Variants in OTUD7B observed in about 807,000 individuals in gnomAD.
OTUD7B encodes OTU deubiquitinase 7B, also known as OTU domain-containing protein 7B.
In OTUD7B, 34 loss-of-function variants were observed where a neutral mutation model predicts 82.2. The observed-to-expected ratio is 0.41, with a 90% CI of 0.31 to 0.55. The LOEUF (loss-of-function observed/expected upper bound fraction) is 0.55, where lower values mean the gene tolerates loss of function less well. Ranked by LOEUF, OTUD7B falls within the 20% of genes least tolerant of loss-of-function variation. The pLI is 0.20. For missense variants in OTUD7B, 944 were observed against 1,062.1 expected, an observed-to-expected ratio of 0.89 and a Z score of 1.55; for synonymous variants, 398 against 402.7, an observed-to-expected ratio of 0.99 and a Z score of 0.14.
chr1:149,941,619 A>C lies in OTUD7B; in HGVS notation c.*2238T>G, dbSNP rs1361748605. On this transcript the variant is annotated 3_prime_UTR_variant, in exon 12 of 12. Transcript: ENST00000581312. Reference sequence around the variant, plus strand: ...TTAAAAAATCACAATTAATGTAAAAAGTCTATGATGGACAATGTATCAAAA... The same window carrying C: ...TTAAAAAATCACAATTAATGTAAAACGTCTATGATGGACAATGTATCAAAA... The C allele has an allele frequency of 6.6e-6, 1 of 152,238 alleles. No individual in the cohort carries two copies. Among genetic ancestry groups the C allele is most frequent in the African/African-American group, 2.4e-5 (1 of 41,462 alleles). The allele number at this position is 152,238 out of a possible 1,614,324, so 9.4% of individuals were successfully genotyped here.
the OTUD7B span, among the ~76,000 whole-genome samples, chr1:150,042,416 G>A: frequency 6.6e-6 from 1 of 151,456 alleles, no homozygotes; most frequent in Non-Finnish European, 1.5e-5. Flanking sequence ...CAGGTGATCC[G>A]CCCCCGCTCA....
chr1:149,993,895 T>C (rs1651758980), intron 1 of OTUD7B, among the ~76,000 whole-genome samples: 1 of 152,212 alleles, frequency 6.6e-6, no homozygotes, highest in Non-Finnish European at 1.5e-5. Context: ...GTAAATCCTG[T>C]TTAAACTTTC....
chr1:150,055,430 A>C, the OTUD7B span, among the ~76,000 whole-genome samples: 1 of 152,162 alleles, frequency 6.6e-6, no homozygotes, highest in Admixed American at 6.5e-5. Context: ...AAAAGGGAAC[A>C]CTTCTGCACT....
chr1:149,986,359 C>T (rs974391061), intron 1 of OTUD7B, among the ~76,000 whole-genome samples: 2 of 151,880 alleles, frequency 1.3e-5, no homozygotes, highest in Non-Finnish European at 2.9e-5. Context: ...GATTGTTATA[C>T]GACTTTATTT....
intron 6 of OTUD7B, chr1:149,962,156 GAC>G (rs1649202915): frequency 6.6e-6 from 1 of 152,152 alleles, no homozygotes; most frequent in African/African-American, 2.4e-5. Context: ...CACTCCAATA[GAC>G]ACATCCAGAT....
intron 7 of OTUD7B, among the ~76,000 whole-genome samples, chr1:149,958,561 A>T (rs868969024): frequency 6.6e-6 from 1 of 151,652 alleles, no homozygotes; most frequent in Non-Finnish European, 1.5e-5. Context: ...ATTCCCGCCC[A>T]CCTCGGCCTC....
chr1:150,027,593 T>C, the OTUD7B span, among the ~76,000 whole-genome samples: 1 of 151,916 alleles, frequency 6.6e-6, no homozygotes, highest in Non-Finnish European at 1.5e-5. Context: ...TCTCAAAAAA[T>C]AAATAAATAA....
At chr1:149,959,888 C>T (rs1276179338) in intron 6 of OTUD7B, 92 bp from the exon 7 acceptor site, 3 of 788,666 alleles carry the variant, frequency 3.8e-6, no homozygotes, top group East Asian at 2.4e-5. Context: ...TTACTTACTC[C>T]CTAATCCCTT....
chr1:150,043,310 G>A, the OTUD7B span, among the ~76,000 whole-genome samples: 6 of 152,190 alleles, frequency 3.9e-5, no homozygotes, highest in South Asian at 4.1e-4. Context: ...GTTAGGACCC[G>A]TGTCATATAA....
intron 6 of OTUD7B, 40 bp downstream of exon 6, chr1:149,964,182 A>G (rs782000053): frequency 6.2e-7 from 1 of 1,603,646 alleles, no homozygotes; most frequent in African/African-American, 1.3e-5. Context: ...GCAGCTTGGT[A>G]ACTTTAGGAA....
chr1:149,960,422 T>G (rs1649074829), intron 6 of OTUD7B, among the ~76,000 whole-genome samples: 1 of 86,320 alleles, frequency 1.2e-5, no homozygotes, highest in Non-Finnish European at 2.2e-5. Context: ...GTAGACAGAG[T>G]CACCCAGGCT....
At chr1:150,063,350 C>A in the OTUD7B span, among the ~76,000 whole-genome samples, 3 of 152,060 alleles carry the variant, frequency 2.0e-5, no homozygotes, top group Non-Finnish European at 4.4e-5. Context: ...ATTGAGGAGG[C>A]TGAGGCATGA....
At chr1:150,014,109 AG>A (rs1553788054), upstream of OTUD7B, among the ~76,000 whole-genome samples, 81,803 of 100,738 alleles carry the variant, frequency 0.81, 33,962 homozygotes, top group East Asian at 0.89. Flanking sequence ...TATATATAGT[AG>A]GGGCTCAGCC....
chr1:150,043,318 T>C, the OTUD7B span, among the ~76,000 whole-genome samples: 2 of 152,146 alleles, frequency 1.3e-5, no homozygotes, highest in African/African-American at 4.8e-5. Context: ...CCGTGTCATA[T>C]AAAGAATTTT....
rs1286725764 is a variant in OTUD7B, at chr1:149,949,756, T to A, written c.996A>T (p.Gly332=). 19 of 1,614,152 alleles carry A rather than the reference T, an allele frequency of 1.2e-5. No individual in the cohort carries two copies. The highest frequency in any genetic ancestry group is 1.6e-5 in the Non-Finnish European group (19 of 1,180,020). ...GGACCTCCAAAGGCAGATAGATTCC[T>A]CCAAAGGGAATAGGGGCAAATGCTG... is the stretch of plus-strand genomic sequence containing the variant. ...GGEAFAPIPF[G]GIYLPLEVPA... Residue 332 remains glycine (G), a synonymous_variant, in exon 9 of 12, where the codon GGA becomes GGT. Transcript: ENST00000581312.
chr1:149,964,602 TG>T (rs1339350489), intron 5 of OTUD7B, among the ~76,000 whole-genome samples: 3 of 151,924 alleles, frequency 2.0e-5, no homozygotes, highest in African/African-American at 7.2e-5. Flanking sequence ...TTTTTTTGGT[TG>T]GTTTTTTTGA....
intron 1 of OTUD7B, among the ~76,000 whole-genome samples, chr1:150,003,607 A>T (rs142000383): frequency 5.9e-5 from 9 of 152,068 alleles, no homozygotes; most frequent in Admixed American, 1.3e-4. Context: ...ATATATTTAC[A>T]TATCTGTCTC....
At chr1:150,059,966 T>A in the OTUD7B span, among the ~76,000 whole-genome samples, 1 of 152,148 alleles carries the variant, frequency 6.6e-6, no homozygotes, top group East Asian at 1.9e-4. Context: ...ACCAGCAGTC[T>A]TTTGATTTAG....
At chr1:150,017,410 G>A in the OTUD7B span, among the ~76,000 whole-genome samples, 1 of 152,114 alleles carries the variant, frequency 6.6e-6, no homozygotes, top group Non-Finnish European at 1.5e-5. Flanking sequence ...TGTAAGAATG[G>A]GCTTCTAAGG....
Sources: allele counts gnomAD v4.1 joint callset (sites outside exome capture counted in the v4.1 genomes callset), GRCh38; gene constraint gnomAD v4.1.1; transcripts MANE v1.5; gene names NCBI Gene and HGNC (gene_info 2026-07-23, HGNC 2026-07-21).